DOP1B: variants seen among roughly 807,000 people sequenced by gnomAD.
The protein encoded by DOP1B is DOP1 leucine zipper like protein B, also known as protein DOP1B.
In DOP1B, 174 loss-of-function variants were observed where a neutral mutation model predicts 233.5. That is an observed-to-expected ratio of 0.75 (90% CI 0.66 to 0.85). The LOEUF is 0.85. Among genes scored for constraint, DOP1B ranks in the 40% least tolerant of loss-of-function variants. The pLI is 0.00. For missense variants in DOP1B, 2,652 were observed against 2,846.6 expected (o/e 0.93, Z 1.56); for synonymous variants, 1,190 against 1,185.6 (o/e 1.00, Z -0.08).
chr21:36,282,616 G>A (rs1425196700), intron 32 of DOP1B, among the ~76,000 whole-genome samples: 1 of 152,144 alleles, frequency 6.6e-6, no homozygotes, highest in Non-Finnish European at 1.5e-5. Context: ...AGATTTTGGA[G>A]AAGGATCTAA....
At chr21:36,287,399 A>T (rs1262242762) in intron 32 of DOP1B, among the ~76,000 whole-genome samples, 1 of 151,962 alleles carries the variant, frequency 6.6e-6, no homozygotes, top group Non-Finnish European at 1.5e-5. Context: ...GAACATTGAA[A>T]TGGCTGTTGG....
At chr21:36,242,559 C>T (rs534440541) in intron 18 of DOP1B, among the ~76,000 whole-genome samples, 12 of 152,138 alleles carry the variant, frequency 7.9e-5, no homozygotes, top group East Asian at 7.7e-4. Flanking sequence ...GTGTTCCACC[C>T]GCCTCAACCT....
intron 11 of DOP1B, 80 bp downstream of exon 11, chr21:36,223,430 G>A: frequency 6.5e-7 from 1 of 1,535,078 alleles, no homozygotes; most frequent in African/African-American, 1.4e-5. Flanking sequence ...TAGAATATCA[G>A]ATTATATATA....
chr21:36,273,751 A>T (rs1436875362), intron 27 of DOP1B, among the ~76,000 whole-genome samples: 7 of 152,216 alleles, frequency 4.6e-5, no homozygotes, highest in Admixed American at 2.0e-4. Context: ...GTGGAGACTG[A>T]TGAGACTGAT....
Position 36,245,630 on chromosome 21 carries a change from G to C in DOP1B, c.3650G>C (p.Arg1217Thr). 1 of 1,613,508 alleles carries C rather than the reference G, an allele frequency of 6.2e-7. No individual in the cohort carries two copies. The highest frequency in any genetic ancestry group is 8.5e-7 in the Non-Finnish European group (1 of 1,179,980). Residue 1217 changes from arginine to threonine, a missense_variant, in exon 19 of 37, where the codon AGG becomes ACG. Physicochemically the swap from Arg to Thr is moderately conservative, Grantham distance 71. This residue lies in a region of DOP1B where 2,617 missense variants were observed against 2,794.3 expected (regional missense o/e 0.94). Coordinates refer to ENST00000691173, the MANE Select transcript of DOP1B (RefSeq NM_001320714.2). The surrounding 1 kb of genome is among the most constrained non-coding windows in gnomAD (Gnocchi z 5.5). ...AGGCTGCTAAAGCAGCAGCGGGAAA[G>C]GCAGGAGGCCGTCGAGGCCTTGTTC... ...TSRLLKQQRE[R>T]QEAVEALFKH...
intron 23 of DOP1B, among the ~76,000 whole-genome samples, chr21:36,257,341 A>G (rs1420660659): frequency 2.0e-5 from 3 of 152,180 alleles, no homozygotes; most frequent in Non-Finnish European, 4.4e-5. Flanking sequence ...GTGTGATTGG[A>G]CAAAAAGAGT....
intron 13 of DOP1B, 77 bp from the exon 14 acceptor site, chr21:36,230,372 TA>T (rs2066745766): frequency 6.8e-7 from 1 of 1,465,148 alleles, no homozygotes; most frequent in Non-Finnish European, 9.2e-7. Flanking sequence ...AGAATTGAAA[TA>T]CATTCATGAT....
At position 36,230,679 on chromosome 21, in the gene DOP1B, A is replaced by G; in HGVS notation, c.1895A>G (p.Glu632Gly). Residue 632 changes from glutamate (E) to glycine (G), a missense_variant, in exon 14 of 37, where the codon GAG (glutamate) becomes GGG (glycine). Physicochemically the swap from Glu to Gly is moderately conservative, Grantham distance 98. Coordinates refer to ENST00000691173, the MANE Select transcript of DOP1B (RefSeq NM_001320714.2). ...CAGAGGACGTTTCTTTGCATCCAAG[A>G]GCTAATCGCCAACTTTGCCAGCAAG... ...SMQRTFLCIQ[E>G]LIANFASKNI... 6.2e-7 allele frequency: 1 copy of G among 1,614,186 alleles called. No individual in the cohort carries two copies. The highest frequency in any genetic ancestry group is 8.5e-7 in the Non-Finnish European group (1 of 1,180,042).
At chr21:36,261,557 C>T (rs1195966145) in intron 24 of DOP1B, 1 of 985,346 alleles carries the variant, frequency 1.0e-6, no homozygotes, top group Non-Finnish European at 1.2e-6. Context: ...CTTTACTGGA[C>T]CTCATTCAGA....
intron 2 of DOP1B, among the ~76,000 whole-genome samples, chr21:36,182,657 C>G (rs1490023262): frequency 6.6e-6 from 1 of 152,062 alleles, no homozygotes; most frequent in East Asian, 1.9e-4. Flanking sequence ...AGCCAGACCC[C>G]ATCTCTACAA....
At chr21:36,266,141 G>A (rs761994722) in intron 26 of DOP1B, among the ~76,000 whole-genome samples, 9 of 152,094 alleles carry the variant, frequency 5.9e-5, no homozygotes, top group Admixed American at 6.6e-5. Context: ...AGTGGCTGAT[G>A]GAACTCAGGG....
chr21:36,227,386 AC>A (rs1348899989), intron 12 of DOP1B, among the ~76,000 whole-genome samples: 6 of 150,838 alleles, frequency 4.0e-5, no homozygotes, highest in Non-Finnish European at 7.4e-5. Context: ...TCTCTACTAA[AC>A]ATACAAAAAA....
At position 36,222,399 on chromosome 21, in the gene DOP1B, C is replaced by T. The variant is rs181886234; in HGVS notation, c.1251-832C>T. Among the ~76,000 whole-genome samples the T allele has an allele frequency of 3.2e-3, 492 of 151,418 alleles. 3 individuals carry two copies. The highest frequency in any genetic ancestry group is 0.011 in the African/African-American group (467 of 41,354). On this transcript the variant is annotated intron_variant, in intron 10 of 36. Transcript: ENST00000691173. Reference sequence around the variant, plus strand: ...TTTGAGACCAGCCTGGCCAACATCACGGTGAAACCCCGTCTCTACTAAAAA... The same window carrying T: ...TTTGAGACCAGCCTGGCCAACATCATGGTGAAACCCCGTCTCTACTAAAAA...
At chr21:36,227,551 AAAG>A (rs570600807) in intron 12 of DOP1B, 132 bp from the exon 13 acceptor site, 15,322 of 797,622 alleles carry the variant, frequency 0.019, 159 homozygotes, top group Non-Finnish European at 0.022. Flanking sequence ...TGTCAAAAAA[AAAG>A]AAAGAAAGAA....
In DOP1B at chr21:36,199,190, T is replaced by A; in HGVS notation, c.259T>A (p.Tyr87Asn). 6.2e-7 allele frequency: 1 copy of A among 1,614,162 alleles called. No individual in the cohort carries two copies. The highest frequency in any genetic ancestry group is 8.5e-7 in the Non-Finnish European group (1 of 1,180,018). Residue 87 changes from tyrosine (Y) to asparagine (N), a missense_variant, in exon 3 of 37, where the codon TAC becomes AAC. By Grantham distance (143) the Tyr-to-Asn change is moderately radical. Coordinates refer to ENST00000691173, the MANE Select transcript of DOP1B (RefSeq NM_001320714.2). ...TGTCCACTTAAAAGCTCTGGAAACC[T>A]ACGAGATTATCTTTAAAATCGTGGG... ...SGVHLKALET[Y>N]EIIFKIVGTK... is the part of the protein sequence containing the mutation.
chr21:36,220,954 G>A (rs1314483147), intron 10 of DOP1B, among the ~76,000 whole-genome samples: 4 of 151,868 alleles, frequency 2.6e-5, no homozygotes, highest in Non-Finnish European at 5.9e-5. Context: ...ACGACTATAG[G>A]CACACACAAC....
intron 23 of DOP1B, among the ~76,000 whole-genome samples, chr21:36,258,859 G>A (rs180998424): frequency 4.2e-4 from 64 of 152,224 alleles, no homozygotes; most frequent in Middle Eastern, 3.4e-3. Context: ...CTCAGTCAGT[G>A]CTTAAGGCTT....
At position 36,214,130 on chromosome 21, in the gene DOP1B, T is replaced by C. The variant is rs1299393228; in HGVS notation, c.954T>C (p.Asn318=). ...TTGTGCCAGAATCTGAAATCTCAAATTCTTATGAAGACCAGTCGTCTTATT... is the reference window on the plus strand; with the variant it reads ...TTGTGCCAGAATCTGAAATCTCAAACTCTTATGAAGACCAGTCGTCTTATT... The part of the protein sequence containing the change: ...NTVVPESEIS[N]SYEDQSSYFF... Residue 318 remains asparagine (N), a synonymous_variant, in exon 8 of 37, where the codon AAT becomes AAC. Coordinates refer to ENST00000691173, the MANE Select transcript of DOP1B (RefSeq NM_001320714.2). 2.5e-6 allele frequency: 4 copies of C among 1,613,918 alleles called. No homozygotes were observed. Among genetic ancestry groups the C allele is most frequent in the Non-Finnish European group, 3.4e-6 (4 of 1,180,006 alleles).
At chr21:36,259,215 T>A (rs1168591225) in intron 23 of DOP1B, among the ~76,000 whole-genome samples, 1 of 151,942 alleles carries the variant, frequency 6.6e-6, no homozygotes, top group Non-Finnish European at 1.5e-5. Flanking sequence ...TCCACCCGCC[T>A]CGGCTTCCCA....
Sources: allele counts gnomAD v4.1 joint callset (sites outside exome capture counted in the v4.1 genomes callset), GRCh38; gene constraint gnomAD v4.1.1; regional missense constraint gnomAD v4.1.1; non-coding constraint Gnocchi (gnomAD v3.1); transcripts MANE v1.5; gene names NCBI Gene and HGNC (gene_info 2026-07-23, HGNC 2026-07-21).